Variants in TLL1 observed in about 807,000 individuals in gnomAD.
The protein encoded by TLL1 is tolloid like 1.
In TLL1, 49 loss-of-function variants were observed where a neutral mutation model predicts 128.2. The observed-to-expected ratio is 0.38, with a 90% CI of 0.30 to 0.48. TLL1 has a LOEUF of 0.48. TLL1 is among the 20% of genes least tolerant of loss of function. The pLI, the probability that TLL1 is intolerant of heterozygous loss-of-function variation, is 0.96. For missense variants in TLL1, 1,123 were observed against 1,242.0 expected, an observed-to-expected ratio of 0.90 and a Z score of 1.44; for synonymous variants, 454 against 418.8, an observed-to-expected ratio of 1.08 and a Z score of -1.03.
intron 10 of TLL1, 64 bp downstream of exon 10, chr4:166,039,505 C>T (rs1001792946): frequency 6.0e-6 from 7 of 1,162,398 alleles, no homozygotes; most frequent in South Asian, 2.5e-5. Flanking sequence ...AAAAACCAAC[C>T]GATTCTCTCA....
chr4:166,063,571 G>A (rs940656179), intron 15 of TLL1, among the ~76,000 whole-genome samples: 3 of 152,142 alleles, frequency 2.0e-5, no homozygotes, highest in South Asian at 2.1e-4. Context: ...ATTGACAATA[G>A]CAAAGACTTG....
At chr4:165,905,301 T>C (rs1561019184) in intron 1 of TLL1, among the ~76,000 whole-genome samples, 1 of 152,204 alleles carries the variant, frequency 6.6e-6, no homozygotes, top group African/African-American at 2.4e-5. Context: ...ACAACCAAAA[T>C]GTCCATCCTT....
At chr4:166,009,614 T>C (rs1737591322) in intron 7 of TLL1, among the ~76,000 whole-genome samples, 1 of 151,518 alleles carries the variant, frequency 6.6e-6, no homozygotes, top group East Asian at 1.9e-4. Context: ...TTTTCATAAA[T>C]AAACTCAACA....
chr4:165,909,653 A>G (rs1435742231), intron 1 of TLL1, among the ~76,000 whole-genome samples: 1 of 152,228 alleles, frequency 6.6e-6, no homozygotes, highest in Non-Finnish European at 1.5e-5. Context: ...CTTCAAAGCA[A>G]CCTAGTGAGT....
intron 1 of TLL1, among the ~76,000 whole-genome samples, chr4:165,883,553 T>G (rs115225924): frequency 0.017 from 2,610 of 152,304 alleles, 87 homozygotes; most frequent in African/African-American, 0.06. Flanking sequence ...CATGATGTTG[T>G]TATAAGAATT....
chr4:165,972,807 C>T (rs537283965), intron 1 of TLL1, among the ~76,000 whole-genome samples: 1 of 152,280 alleles, frequency 6.6e-6, no homozygotes, highest in African/African-American at 2.4e-5. Flanking sequence ...CCACCTTCTA[C>T]CATCAGTCTT....
intron 1 of TLL1, among the ~76,000 whole-genome samples, chr4:165,959,613 T>G (rs1015793143): frequency 6.6e-6 from 1 of 152,080 alleles, no homozygotes; most frequent in Non-Finnish European, 1.5e-5. Flanking sequence ...TCTCAATAAA[T>G]TTGAAAAAGT....
At chr4:165,986,309 T>C (rs756158966) in intron 1 of TLL1, among the ~76,000 whole-genome samples, 7 of 152,074 alleles carry the variant, frequency 4.6e-5, no homozygotes, top group African/African-American at 7.2e-5. Context: ...AATATTTTAG[T>C]ACACAGAAAT....
At chr4:165,917,489 T>G (rs1732837855) in intron 1 of TLL1, among the ~76,000 whole-genome samples, 2 of 152,130 alleles carry the variant, frequency 1.3e-5, no homozygotes, top group Admixed American at 6.6e-5. Flanking sequence ...AGGTATCAGG[T>G]GTAACTTTTA....
At chr4:165,961,559 A>G (rs1735104668) in intron 1 of TLL1, among the ~76,000 whole-genome samples, 1 of 152,188 alleles carries the variant, frequency 6.6e-6, no homozygotes, top group African/African-American at 2.4e-5. Flanking sequence ...ACATTACCTG[A>G]CTTTGAACTA....
At chr4:165,910,915 A>G (rs1431716752) in intron 1 of TLL1, among the ~76,000 whole-genome samples, 1 of 152,110 alleles carries the variant, frequency 6.6e-6, no homozygotes, top group Admixed American at 6.5e-5. Flanking sequence ...ATAGACACAT[A>G]ATATTGGTAC....
intron 1 of TLL1, among the ~76,000 whole-genome samples, chr4:165,954,584 G>T (rs1377625293): frequency 6.6e-6 from 1 of 152,028 alleles, no homozygotes. Flanking sequence ...TGACCTGCAG[G>T]TATTGGGAGA....
chr4:165,970,066 A>G (rs1322276406), intron 1 of TLL1, among the ~76,000 whole-genome samples: 2 of 152,186 alleles, frequency 1.3e-5, no homozygotes, highest in South Asian at 2.1e-4. Flanking sequence ...TCATTACTTT[A>G]TAAGATGTAA....
chr4:165,922,244 G>T (rs1733070353), intron 1 of TLL1, among the ~76,000 whole-genome samples: 1 of 152,120 alleles, frequency 6.6e-6, no homozygotes, highest in Non-Finnish European at 1.5e-5. Context: ...AAACTTAAGA[G>T]GAGTATTTGT....
At chr4:165,933,841 A>C (rs1163344303) in intron 1 of TLL1, among the ~76,000 whole-genome samples, 1 of 152,050 alleles carries the variant, frequency 6.6e-6, no homozygotes, top group Non-Finnish European at 1.5e-5. Flanking sequence ...TGCAACCTTC[A>C]CCATTTCAAC....
chr4:165,874,763 G>C (rs749978915), intron 1 of TLL1, among the ~76,000 whole-genome samples: 1 of 152,268 alleles, frequency 6.6e-6, no homozygotes, highest in Non-Finnish European at 1.5e-5. Flanking sequence ...AGTCGGACCG[G>C]CACTGCCTGA....
At chr4:166,006,839 T>C (rs561741763) in intron 6 of TLL1, among the ~76,000 whole-genome samples, 1 of 151,868 alleles carries the variant, frequency 6.6e-6, no homozygotes, top group African/African-American at 2.4e-5. Flanking sequence ...CATTCTTAAT[T>C]CTCAAGTGAA....
intron 17 of TLL1, among the ~76,000 whole-genome samples, chr4:166,076,996 C>G: frequency 6.6e-6 from 1 of 151,950 alleles, no homozygotes. Context: ...AGTGTGTTGT[C>G]CATTGAATAA....
intron 1 of TLL1, among the ~76,000 whole-genome samples, chr4:165,962,631 G>A (rs1346581861): frequency 6.6e-6 from 1 of 152,108 alleles, no homozygotes; most frequent in Non-Finnish European, 1.5e-5. Flanking sequence ...GATAATTGCA[G>A]CACTATTTAC....
Sources: gnomAD v4.1 joint callset for allele counts (sites outside exome capture counted in the v4.1 genomes callset) on GRCh38, gnomAD v4.1.1 for gene constraint, MANE v1.5 for transcripts, NCBI Gene and HGNC (gene_info 2026-07-23, HGNC 2026-07-21) for gene names.